Variants in CTNNA3 observed in about 807,000 individuals in gnomAD.
The protein encoded by CTNNA3 is catenin alpha-3.
CTNNA3 carries 76 observed loss-of-function variants against 95.7 expected under a neutral mutation model. The observed-to-expected ratio is 0.79, with a 90% CI of 0.66 to 0.96. The LOEUF (loss-of-function observed/expected upper bound fraction) is 0.96. CTNNA3 is among the 40% of genes least tolerant of loss of function. The pLI is 0.00. For synonymous variants in CTNNA3, 431 were observed against 374.4 expected (o/e 1.15, Z -1.74); for missense variants, 1,191 against 1,089.8 (o/e 1.09, Z -1.31).
At chr10:67,324,569 G>A (rs1841463979) in intron 5 of CTNNA3, among the ~76,000 whole-genome samples, 4 of 152,106 alleles carry the variant, frequency 2.6e-5, no homozygotes, top group Admixed American at 2.6e-4. Flanking sequence ...AACCAACCTT[G>A]CATTCTAGGG....
At chr10:66,854,742 CATT>C (rs962507649) in intron 7 of CTNNA3, among the ~76,000 whole-genome samples, 10 of 117,482 alleles carry the variant, frequency 8.5e-5, no homozygotes, top group African/African-American at 2.8e-4. Flanking sequence ...AAGAAAATGT[CATT>C]TTTTTTTTTT....
chr10:65,916,088 C>T lies in CTNNA3; in HGVS notation c.*4242G>A, dbSNP rs2077004349. On this transcript the variant is annotated 3_prime_UTR_variant, in exon 18 of 18. Coordinates refer to ENST00000433211, the MANE Select transcript of CTNNA3 (RefSeq NM_013266.4). ...AGTGGTAAAATGGAAAATACTAATG[C>T]TGAACATATCATAATGGTATGGGAA... The T allele has an allele frequency of 6.6e-6, 1 of 151,724 alleles. No individual in the cohort carries two copies. The highest frequency in any genetic ancestry group is 1.5e-5 in the Non-Finnish European group (1 of 67,952). The allele number at this position is 151,724 out of a possible 1,614,324, so 9.4% of individuals were successfully genotyped here.
At chr10:67,112,707 T>C (rs1858972726) in intron 7 of CTNNA3, among the ~76,000 whole-genome samples, 1 of 152,076 alleles carries the variant, frequency 6.6e-6, no homozygotes, top group Admixed American at 6.6e-5. Flanking sequence ...TTTTGCAGGG[T>C]TACATTCAAC....
intron 10 of CTNNA3, among the ~76,000 whole-genome samples, chr10:66,587,780 G>A (rs1048671016): frequency 2.0e-5 from 3 of 152,120 alleles, no homozygotes; most frequent in Non-Finnish European, 4.4e-5. Context: ...TAGTCTGTAC[G>A]TAGAACTAAA....
chr10:66,382,104 G>C (rs2132498401), intron 11 of CTNNA3, among the ~76,000 whole-genome samples: 1 of 152,224 alleles, frequency 6.6e-6, no homozygotes, highest in Non-Finnish European at 1.5e-5. Flanking sequence ...AGCTCACAAG[G>C]GGTGAGCTGA....
chr10:67,734,484 G>C (rs963333412), intron 1 of CTNNA3, among the ~76,000 whole-genome samples: 1 of 152,036 alleles, frequency 6.6e-6, no homozygotes, highest in Non-Finnish European at 1.5e-5. Flanking sequence ...TCTAGCAGAG[G>C]AGAATAACAT....
intron 1 of CTNNA3, among the ~76,000 whole-genome samples, chr10:67,695,104 T>C (rs1840938713): frequency 6.6e-6 from 1 of 152,192 alleles, no homozygotes; most frequent in African/African-American, 2.4e-5. Flanking sequence ...TCTCAATATG[T>C]TGAGCTTTCA....
intron 17 of CTNNA3, among the ~76,000 whole-genome samples, chr10:65,951,210 A>C (rs1370178122): frequency 6.6e-6 from 1 of 152,196 alleles, no homozygotes; most frequent in Non-Finnish European, 1.5e-5. Flanking sequence ...CTGTAGCATA[A>C]TATAATTTGT....
At chr10:66,069,254 T>C in intron 15 of CTNNA3, 54 bp downstream of exon 15, 2 of 1,542,988 alleles carry the variant, frequency 1.3e-6, no homozygotes, top group Non-Finnish European at 1.8e-6. Context: ...TTCACTAATA[T>C]GACTAATATT....
chr10:67,578,996 GATATATATATATATATATATATAT>G (rs533690910), intron 3 of CTNNA3, among the ~76,000 whole-genome samples: 11 of 87,358 alleles, frequency 1.3e-4, no homozygotes, highest in African/African-American at 2.4e-4. Flanking sequence ...TGATCATAGT[GATATATATATATATATATATATAT>G]ATATATATAT....
At chr10:67,518,496 T>A (rs1839887509) in intron 5 of CTNNA3, among the ~76,000 whole-genome samples, 1 of 152,148 alleles carries the variant, frequency 6.6e-6, no homozygotes, top group Non-Finnish European at 1.5e-5. Flanking sequence ...AGGTCTGAAG[T>A]ACAATAATTT....
At chr10:67,385,190 T>A (rs1441774939) in intron 5 of CTNNA3, among the ~76,000 whole-genome samples, 2 of 152,220 alleles carry the variant, frequency 1.3e-5, no homozygotes, top group Admixed American at 6.5e-5. Flanking sequence ...GGGAAAGAGA[T>A]GGCTTGCTTT....
In CTNNA3 at chr10:67,478,957, G is replaced by A. The variant is rs77031594; in HGVS notation, c.579+42885C>T. 6.0e-3 allele frequency among the ~76,000 whole-genome samples: 910 copies of A among 151,834 alleles called. 18 individuals are homozygous for A. The East Asian group carries it at 0.069, about 11-fold the overall frequency. ...TGTAAACAGAAAACAAAAAAACGGC[G>A]GGAGTTGGTATTCTTTTATCAGATA... On this transcript the variant is annotated intron_variant, in intron 5 of 17. Transcript: ENST00000433211.
At chr10:66,443,384 CA>C (rs2093390394) in intron 11 of CTNNA3, among the ~76,000 whole-genome samples, 1 of 152,192 alleles carries the variant, frequency 6.6e-6, no homozygotes, top group Non-Finnish European at 1.5e-5. Context: ...GACCCCCGAG[CA>C]GCCTAACTGG....
chr10:66,221,058 A>G (rs1291310855), intron 13 of CTNNA3, among the ~76,000 whole-genome samples: 1 of 152,212 alleles, frequency 6.6e-6, no homozygotes, highest in Non-Finnish European at 1.5e-5. Flanking sequence ...CTTTTGGAGG[A>G]AAATAGCAAA....
intron 14 of CTNNA3, among the ~76,000 whole-genome samples, chr10:66,081,361 C>A (rs1343162193): frequency 6.6e-6 from 1 of 151,978 alleles, no homozygotes; most frequent in South Asian, 2.1e-4. Flanking sequence ...GCTGTAATTC[C>A]AATACTTTCA....
chr10:67,230,516 T>C (rs894008975), intron 5 of CTNNA3, among the ~76,000 whole-genome samples: 1 of 152,002 alleles, frequency 6.6e-6, no homozygotes, highest in Non-Finnish European at 1.5e-5. Context: ...ATCCACAGAA[T>C]GGGAGAAAAT....
chr10:66,692,890 T>G (rs1847606227), intron 9 of CTNNA3, among the ~76,000 whole-genome samples: 1 of 151,990 alleles, frequency 6.6e-6, no homozygotes, highest in Non-Finnish European at 1.5e-5. Context: ...AGAAATAAAA[T>G]ACTTTACAGA....
chr10:66,981,077 G>T (rs1383341667), intron 7 of CTNNA3, among the ~76,000 whole-genome samples: 1 of 151,906 alleles, frequency 6.6e-6, no homozygotes, highest in Non-Finnish European at 1.5e-5. Flanking sequence ...GGCTAATTTT[G>T]TATTTTTACT....
Sources: allele counts gnomAD v4.1 joint callset (sites outside exome capture counted in the v4.1 genomes callset), GRCh38; gene constraint gnomAD v4.1.1; transcripts MANE v1.5; gene names NCBI Gene and HGNC (gene_info 2026-07-23, HGNC 2026-07-21).